CDK6: variants seen among roughly 807,000 people sequenced by gnomAD.
The protein encoded by CDK6 is cyclin-dependent kinase 6.
A neutral mutation model predicts 37.1 loss-of-function variants in CDK6; 6 were observed. The ratio of observed to expected loss-of-function variants is 0.16; its 90% confidence interval spans 0.09 to 0.32. CDK6 has a LOEUF of 0.32. CDK6 is among the 10% of genes least tolerant of loss of function. The pLI is 1.00. For missense variants in CDK6, 224 were observed against 418.9 expected (o/e 0.53, Z 4.06); for synonymous variants, 160 against 161.3 (o/e 0.99, Z 0.06).
chr7:92,761,401 A>C (rs1181969942), intron 3 of CDK6, among the ~76,000 whole-genome samples: 1 of 152,154 alleles, frequency 6.6e-6, no homozygotes, highest in Non-Finnish European at 1.5e-5. Context: ...TCAGCCTCCT[A>C]ACCAGCACTA....
At chr7:92,659,012 A>G (rs1796773071) in intron 5 of CDK6, among the ~76,000 whole-genome samples, 1 of 152,324 alleles carries the variant, frequency 6.6e-6, no homozygotes. Context: ...AGCTGCATCA[A>G]TATCAGCTTG....
chr7:92,752,620 C>A (rs910500684), intron 3 of CDK6, among the ~76,000 whole-genome samples: 1 of 152,124 alleles, frequency 6.6e-6, no homozygotes, highest in East Asian at 1.9e-4. Flanking sequence ...ATGAAATACG[C>A]CATTTTATAA....
intron 2 of CDK6, among the ~76,000 whole-genome samples, chr7:92,791,678 G>C (rs1422958220): frequency 6.6e-6 from 1 of 152,148 alleles, no homozygotes; most frequent in South Asian, 2.1e-4. Context: ...AGGCCCTGAA[G>C]AAGAGGCATT....
In CDK6 at chr7:92,771,289, CAA is replaced by C. The variant is rs199783615; in HGVS notation, c.369+3405_369+3406del. Among the ~76,000 whole-genome samples, 231 of 101,232 alleles carry C rather than the reference CAA, an allele frequency of 2.3e-3. 1 individual carries two copies. The highest frequency in any genetic ancestry group is 7.1e-3 in the African/African-American group (206 of 28,820). The allele number at this position is 101,232 out of a possible 152,430, so 66.4% of individuals were successfully genotyped here. On this transcript the variant is annotated intron_variant, in intron 3 of 7. Coordinates refer to ENST00000424848, the MANE Select transcript of CDK6 (RefSeq NM_001145306.2). ...GTATCTTAGATATGTGACTCCGTCT[CAA>C]AAAAAAAAAAATAAATAAAAATAAA...
Position 92,835,935 on chromosome 7 carries a change from A to G in CDK6, c.-368+543T>C, listed in dbSNP as rs920049306. Among the ~76,000 whole-genome samples, 1 of 152,210 alleles carries G rather than the reference A, an allele frequency of 6.6e-6. No homozygotes were observed. The highest frequency in any genetic ancestry group is 1.5e-5 in the Non-Finnish European group (1 of 68,040). On this transcript the variant is annotated intron_variant, in intron 1 of 7. Coordinates refer to ENST00000424848, the MANE Select transcript of CDK6 (RefSeq NM_001145306.2). This position sits in a 1 kb window ranked among gnomAD's most constrained non-coding sequence, Gnocchi z 4.2. ...CGGCTGCGTGCACTTTTCTGTGTATAACACGCCCGCAGGAAGCCTGCGTTA... is the reference window on the plus strand; with the variant it reads ...CGGCTGCGTGCACTTTTCTGTGTATGACACGCCCGCAGGAAGCCTGCGTTA...
intron 2 of CDK6, among the ~76,000 whole-genome samples, chr7:92,817,593 C>T (rs985088316): frequency 6.6e-6 from 1 of 151,544 alleles, no homozygotes; most frequent in Non-Finnish European, 1.5e-5. Flanking sequence ...TGGGAACAAG[C>T]CAAAAACATC....
chr7:92,827,862 C>T (rs186965332), intron 2 of CDK6, among the ~76,000 whole-genome samples: 32 of 152,094 alleles, frequency 2.1e-4, no homozygotes, highest in Non-Finnish European at 4.0e-4. Flanking sequence ...TGAGAAAGAA[C>T]AATAGTGTGA....
At chr7:92,750,094 C>T (rs1263097533) in intron 3 of CDK6, among the ~76,000 whole-genome samples, 1 of 152,114 alleles carries the variant, frequency 6.6e-6, no homozygotes, top group Non-Finnish European at 1.5e-5. Context: ...GTAACACATT[C>T]AAACCAGTAA....
intron 2 of CDK6, among the ~76,000 whole-genome samples, chr7:92,795,223 G>A (rs1221318471): frequency 2.0e-5 from 3 of 152,008 alleles, no homozygotes; most frequent in South Asian, 2.1e-4. Flanking sequence ...TTTATTATCA[G>A]AAGGGTGATT....
chr7:92,652,890 A>G (rs1294657343), intron 5 of CDK6, among the ~76,000 whole-genome samples: 2 of 152,224 alleles, frequency 1.3e-5, no homozygotes, highest in African/African-American at 4.8e-5. Flanking sequence ...GTATTTAACA[A>G]ATATACAAAT....
intron 5 of CDK6, among the ~76,000 whole-genome samples, chr7:92,652,042 C>T (rs1796586998): frequency 6.6e-6 from 1 of 152,188 alleles, no homozygotes; most frequent in Non-Finnish European, 1.5e-5. Flanking sequence ...AGCACAAATA[C>T]TTTTGAATTT....
At chr7:92,682,664 C>A (rs1236745886) in intron 4 of CDK6, among the ~76,000 whole-genome samples, 2 of 152,064 alleles carry the variant, frequency 1.3e-5, no homozygotes, top group Non-Finnish European at 1.5e-5. Flanking sequence ...GTATGGGTAG[C>A]CAGAAGACAG....
intron 5 of CDK6, among the ~76,000 whole-genome samples, chr7:92,667,570 G>A (rs1318185100): frequency 1.4e-5 from 2 of 144,904 alleles, no homozygotes; most frequent in Non-Finnish European, 3.0e-5. Context: ...TTTTTTTTGA[G>A]ACAGGGCCTC....
intron 3 of CDK6, among the ~76,000 whole-genome samples, chr7:92,726,567 T>C (rs1268547214): frequency 6.6e-6 from 1 of 152,096 alleles, no homozygotes; most frequent in African/African-American, 2.4e-5. Context: ...CATGCCACCA[T>C]GCTAGGCTAA....
At chr7:92,802,529 T>A (rs1800607001) in intron 2 of CDK6, among the ~76,000 whole-genome samples, 2 of 152,168 alleles carry the variant, frequency 1.3e-5, no homozygotes, top group South Asian at 4.1e-4. Flanking sequence ...CATTCTCTCC[T>A]CTCAAAGTCC....
chr7:92,672,190 T>TAC (rs71107866), intron 4 of CDK6, among the ~76,000 whole-genome samples: 6,059 of 62,248 alleles, frequency 0.097, 409 homozygotes, highest in East Asian at 0.13. Flanking sequence ...CACAGACACA[T>TAC]ACACACACAC....
chr7:92,709,353 C>T (rs1257061555), intron 4 of CDK6, among the ~76,000 whole-genome samples: 2 of 152,046 alleles, frequency 1.3e-5, no homozygotes, highest in African/African-American at 4.8e-5. Flanking sequence ...ATACCTAGAA[C>T]ACACCTTTCC....
At chr7:92,691,386 T>C (rs1405734491) in intron 4 of CDK6, among the ~76,000 whole-genome samples, 2 of 152,226 alleles carry the variant, frequency 1.3e-5, no homozygotes, top group Admixed American at 1.3e-4. Context: ...ACACAATGTC[T>C]ATGTACAATA....
intron 2 of CDK6, among the ~76,000 whole-genome samples, chr7:92,809,577 A>T (rs1367431699): frequency 6.6e-6 from 1 of 152,222 alleles, no homozygotes; most frequent in Non-Finnish European, 1.5e-5. Context: ...GCACAGAAAC[A>T]ATAAAAGACC....
Sources: allele counts gnomAD v4.1 joint callset (sites outside exome capture counted in the v4.1 genomes callset), GRCh38; gene constraint gnomAD v4.1.1; non-coding constraint Gnocchi (gnomAD v3.1); transcripts MANE v1.5; gene names NCBI Gene and HGNC (gene_info 2026-07-23, HGNC 2026-07-21).